The following ARID1B variants were observed in gnomAD, a reference collection of about 807,000 sequenced individuals.
ARID1B encodes the protein AT-rich interactive domain-containing protein 1B.
Under a neutral mutation model 212.3 loss-of-function variants are expected in ARID1B, and 30 were observed. That is an observed-to-expected ratio of 0.14 (90% confidence interval 0.11 to 0.19). The LOEUF is 0.19. Among genes scored for constraint, ARID1B ranks in the 10% least tolerant of loss-of-function variants. The pLI is 1.00. For synonymous variants in ARID1B, 1,402 were observed against 1,301.7 expected (o/e 1.08, Z -1.66); for missense variants, 2,891 against 3,204.0 (o/e 0.90, Z 2.36).
At chr6:156,904,760 T>C (rs1466492937) in intron 3 of ARID1B, among the ~76,000 whole-genome samples, 1 of 152,270 alleles carries the variant, frequency 6.6e-6, no homozygotes, top group Admixed American at 6.5e-5. Flanking sequence ...ATTCCATATT[T>C]GACCTCATGT....
intron 4 of ARID1B, among the ~76,000 whole-genome samples, chr6:156,953,734 C>T (rs1279618317): frequency 1.3e-5 from 2 of 152,186 alleles, no homozygotes; most frequent in Non-Finnish European, 2.9e-5. Flanking sequence ...TCTGAAATTA[C>T]ATCTTTGTCT....
rs1336189986 is a variant in ARID1B at position 156,964,696 on chromosome 6, G to A, written c.2247+29120G>A. Among the ~76,000 whole-genome samples, 3 of 152,188 alleles carry A rather than the reference G, an allele frequency of 2.0e-5. No individual in the cohort carries two copies. The East Asian group carries it at 5.8e-4, about 29-fold the overall frequency. On this transcript the variant is annotated intron_variant, in intron 4 of 19. Transcript: ENST00000636930. ...TTTTGACAGCTTAACCTCAGTTGAA[G>A]TATGGATTCTCTTAATGGAAAAAAT... is the stretch of plus-strand genomic sequence containing the variant.
chr6:156,830,494 A>G (rs921554990), intron 2 of ARID1B, among the ~76,000 whole-genome samples: 3 of 152,230 alleles, frequency 2.0e-5, no homozygotes, highest in African/African-American at 7.2e-5. Context: ...ATAGCTGTAT[A>G]TTAACAGTTC....
intron 1 of ARID1B, among the ~76,000 whole-genome samples, chr6:156,785,123 G>A (rs1779547413): frequency 6.6e-6 from 1 of 152,174 alleles, no homozygotes; most frequent in Non-Finnish European, 1.5e-5. Flanking sequence ...ATGGATCAAT[G>A]CCAAGAATAT....
intron 8 of ARID1B, among the ~76,000 whole-genome samples, chr6:157,158,293 C>T (rs182281115): frequency 2.6e-5 from 4 of 152,286 alleles, no homozygotes; most frequent in Admixed American, 2.0e-4. Context: ...CCCAGGCCAC[C>T]GTTAACTCAG....
intron 4 of ARID1B, among the ~76,000 whole-genome samples, chr6:157,067,002 C>T (rs1783714001): frequency 6.6e-6 from 1 of 152,088 alleles, no homozygotes; most frequent in African/African-American, 2.4e-5. Flanking sequence ...CCACCTCACC[C>T]TCTGAATCTG....
Position 157,133,119 on chromosome 6 carries a change from G to A in ARID1B, c.2673G>A (p.Gly891=), listed in dbSNP as rs749470868. The A allele has an allele frequency of 9.9e-6, 16 of 1,614,042 alleles. No homozygotes were observed. In the Admixed American group the frequency reaches 2.5e-4, roughly 25 times the overall value. Reference sequence around the variant, plus strand: ...CCATGTCGCCTCATCCTTCTCCTGGGGGCCAGATGCATGCTGGAATCAGTA... The same window carrying A: ...CCATGTCGCCTCATCCTTCTCCTGGAGGCCAGATGCATGCTGGAATCAGTA... ...GPSMSPHPSP[G]GQMHAGISSF... The change falls in exon 7 of 20, where the codon GGG becomes GGA. Residue 891 remains glycine, a synonymous_variant. Transcript: ENST00000636930.
intron 4 of ARID1B, among the ~76,000 whole-genome samples, chr6:157,027,337 A>G (rs1164503992): frequency 6.6e-6 from 1 of 152,232 alleles, no homozygotes; most frequent in African/African-American, 2.4e-5. Context: ...TGATAATCAA[A>G]ATAATACTAT....
intron 4 of ARID1B, among the ~76,000 whole-genome samples, chr6:157,058,622 C>T (rs1307301737): frequency 6.6e-6 from 1 of 152,236 alleles, no homozygotes; most frequent in Non-Finnish European, 1.5e-5. Flanking sequence ...TGATGTCAGT[C>T]ACCCTCTTTA....
At chr6:156,811,531 A>G (rs1411701825) in intron 1 of ARID1B, among the ~76,000 whole-genome samples, 5 of 152,166 alleles carry the variant, frequency 3.3e-5, no homozygotes, top group African/African-American at 7.2e-5. Flanking sequence ...GGTAGTTTTC[A>G]TTCTGAGGCC....
At chr6:157,138,551 T>C (rs1232998242) in intron 7 of ARID1B, among the ~76,000 whole-genome samples, 1 of 152,162 alleles carries the variant, frequency 6.6e-6, no homozygotes, top group Non-Finnish European at 1.5e-5. Context: ...TTGAATTGGC[T>C]TAAATGCAGC....
At chr6:156,935,264 G>T (rs187129061) in intron 3 of ARID1B, among the ~76,000 whole-genome samples, 3 of 151,936 alleles carry the variant, frequency 2.0e-5, no homozygotes, top group Non-Finnish European at 4.4e-5. Context: ...TATTTTTGTA[G>T]AGATGGAGTC....
At chr6:157,071,422 C>T (rs1783997894) in intron 4 of ARID1B, 2 of 152,190 alleles carry the variant, frequency 1.3e-5, no homozygotes, top group Admixed American at 1.3e-4. Flanking sequence ...TACTTTAAGA[C>T]TTCTACAATT....
Position 157,084,675 on chromosome 6 carries a change from C to G in ARID1B, c.2261C>G (p.Ser754Cys). Reference protein sequence around the residue: ...RPSSLPDLSGSIDDLPTGTEA... With the variant: ...RPSSLPDLSGCIDDLPTGTEA... Reference sequence around the variant, plus strand: ...TTCCTTTCTTAGGATCTGTCTGGCTCCATTGATGACCTCCCCACGGGAACG... The same window carrying G: ...TTCCTTTCTTAGGATCTGTCTGGCTGCATTGATGACCTCCCCACGGGAACG... Residue 754 changes from serine to cysteine, a missense_variant, in exon 5 of 20, where the codon TCC becomes TGC. This residue lies in a region of ARID1B where 1,643 missense variants were observed against 1,544.0 expected (regional missense o/e 1.06). Coordinates refer to ENST00000636930, the MANE Select transcript of ARID1B (RefSeq NM_001374828.1). 6.2e-7 allele frequency: 1 copy of G among 1,614,158 alleles called. No individual in the cohort carries two copies. Among genetic ancestry groups the G allele is most frequent in the East Asian group, 2.2e-5 (1 of 44,880 alleles).
intron 6 of ARID1B, among the ~76,000 whole-genome samples, chr6:157,129,943 C>T (rs928275147): frequency 4.6e-5 from 7 of 152,096 alleles, no homozygotes; most frequent in African/African-American, 1.4e-4. Context: ...CTGAGGCAGA[C>T]AGATCATTTG....
chr6:156,829,466 G>T, intron 2 of ARID1B, 45 bp downstream of exon 2: 3 of 1,560,696 alleles, frequency 1.9e-6, no homozygotes, highest in Non-Finnish European at 2.6e-6. Context: ...TAATAGTTTT[G>T]TCTTTGCCTT....
chr6:157,037,264 C>G (rs752229159), intron 4 of ARID1B, among the ~76,000 whole-genome samples: 1 of 152,160 alleles, frequency 6.6e-6, no homozygotes, highest in Non-Finnish European at 1.5e-5. Flanking sequence ...TAAACGTCCC[C>G]GCTTCAGACA....
At chr6:157,096,724 C>T (rs541533270) in intron 5 of ARID1B, among the ~76,000 whole-genome samples, 90 of 152,294 alleles carry the variant, frequency 5.9e-4, no homozygotes, top group Non-Finnish European at 1.0e-3. Flanking sequence ...CACTGCCACC[C>T]GCCTGGACCT....
At chr6:156,802,082 G>A (rs962049620) in intron 1 of ARID1B, among the ~76,000 whole-genome samples, 7 of 152,118 alleles carry the variant, frequency 4.6e-5, no homozygotes, top group Non-Finnish European at 8.8e-5. Flanking sequence ...ATGTGTAAAC[G>A]GCACCTTTCT....
Sources: gnomAD v4.1 joint callset for allele counts (sites outside exome capture counted in the v4.1 genomes callset) on GRCh38, gnomAD v4.1.1 for gene constraint, gnomAD v4.1.1 regional missense constraint, MANE v1.5 for transcripts, NCBI Gene and HGNC (gene_info 2026-07-23, HGNC 2026-07-21) for gene names.